The following GALNT13 variants were observed in gnomAD, a reference collection of about 807,000 sequenced individuals.
GALNT13 encodes UDP-GalNAc:polypeptide N-acetylgalactosaminyltransferase 13.
A neutral mutation model predicts 64.2 loss-of-function variants in GALNT13; 28 were observed. The observed-to-expected ratio is 0.44, with a 90% CI of 0.32 to 0.60. The LOEUF (loss-of-function observed/expected upper bound fraction) is 0.60, where lower values mean the gene tolerates loss of function less well. Among genes scored for constraint, GALNT13 ranks in the 20% least tolerant of loss-of-function variants. The probability of loss-of-function intolerance (pLI) is 0.05; values close to 1 mark genes in which losing one functional copy is unlikely to be tolerated. For missense variants in GALNT13, 577 were observed against 669.8 expected (o/e 0.86, Z 1.53); for synonymous variants, 214 against 224.6 (o/e 0.95, Z 0.42).
the GALNT13 span, among the ~76,000 whole-genome samples, chr2:153,320,891 T>C: frequency 6.6e-6 from 1 of 152,208 alleles, no homozygotes; most frequent in Non-Finnish European, 1.5e-5. Flanking sequence ...CACATTTATA[T>C]ATCTTTTAAC....
intron 2 of GALNT13, among the ~76,000 whole-genome samples, chr2:153,921,614 A>G (rs1013419222): frequency 3.3e-5 from 5 of 152,320 alleles, no homozygotes; most frequent in Admixed American, 3.3e-4. Flanking sequence ...TGAACCTAAC[A>G]CAGAAGTTAT....
At chr2:154,348,634 C>T (rs1696207380) in intron 9 of GALNT13, among the ~76,000 whole-genome samples, 1 of 151,954 alleles carries the variant, frequency 6.6e-6, no homozygotes, top group Non-Finnish European at 1.5e-5. Flanking sequence ...GCTGGCCCAT[C>T]TCTCATGTGC....
At chr2:154,164,534 T>C (rs1207421353) in intron 4 of GALNT13, among the ~76,000 whole-genome samples, 1 of 152,086 alleles carries the variant, frequency 6.6e-6, no homozygotes, top group Non-Finnish European at 1.5e-5. Flanking sequence ...AAATCTAAAC[T>C]TGGTATCCAG....
chr2:153,918,424 C>G (rs1294951629), intron 2 of GALNT13, among the ~76,000 whole-genome samples: 1 of 152,090 alleles, frequency 6.6e-6, no homozygotes, highest in Non-Finnish European at 1.5e-5. Context: ...CGGTATCTTC[C>G]ATTTCCCACA....
chr2:154,088,579 G>T (rs1234101840), intron 3 of GALNT13, among the ~76,000 whole-genome samples: 1 of 152,062 alleles, frequency 6.6e-6, no homozygotes, highest in Non-Finnish European at 1.5e-5. Flanking sequence ...AGCCTCCCAA[G>T]TAGTTGGGAT....
chr2:154,079,561 C>G (rs905813662), intron 3 of GALNT13, among the ~76,000 whole-genome samples: 3 of 151,486 alleles, frequency 2.0e-5, no homozygotes, highest in Non-Finnish European at 4.4e-5. Flanking sequence ...CCTGTTTAAC[C>G]TTGCACCTCA....
the GALNT13 span, among the ~76,000 whole-genome samples, chr2:153,744,575 T>C: frequency 6.6e-6 from 1 of 152,182 alleles, no homozygotes; most frequent in African/African-American, 2.4e-5. Flanking sequence ...TCCTCTCTCT[T>C]AGCTCCGTCT....
chr2:154,182,245 T>C (rs1251158038), intron 4 of GALNT13, among the ~76,000 whole-genome samples: 1 of 152,210 alleles, frequency 6.6e-6, no homozygotes, highest in Non-Finnish European at 1.5e-5. Flanking sequence ...GATATGTTAA[T>C]CATTTGACTA....
chr2:153,992,745 T>C (rs1033936059), intron 3 of GALNT13, among the ~76,000 whole-genome samples: 6 of 151,826 alleles, frequency 4.0e-5, no homozygotes, highest in Admixed American at 3.9e-4. Flanking sequence ...TGATACTTTT[T>C]AAAAAAAAAT....
chr2:154,069,918 A>G lies in GALNT13; in HGVS notation c.143-70419A>G, dbSNP rs773022832. ...TCAAGGCACATGATGGATATTGGATAAAGAGTTGATGAAACAGTGACAACA... is the reference window on the plus strand; with the variant it reads ...TCAAGGCACATGATGGATATTGGATGAAGAGTTGATGAAACAGTGACAACA... On this transcript the variant is annotated intron_variant, in intron 3 of 12. Coordinates refer to ENST00000392825, the MANE Select transcript of GALNT13 (RefSeq NM_052917.4). Among the ~76,000 whole-genome samples the G allele has an allele frequency of 6.6e-5, 10 of 152,158 alleles. 1 individual carries two copies. Among genetic ancestry groups the G allele is most frequent in the Admixed American group, 6.6e-4 (10 of 15,258 alleles).
In GALNT13 at chr2:154,086,769, C is replaced by T. The variant is rs552737823; in HGVS notation, c.143-53568C>T. On this transcript the variant is annotated intron_variant, in intron 3 of 12. Coordinates refer to ENST00000392825, the MANE Select transcript of GALNT13 (RefSeq NM_052917.4). The stretch of plus-strand genomic sequence containing the variant: ...TTTTTAAGTTATATGTTAGCATACG[C>T]GCACACACACACACACGCGCACGCG... Among the ~76,000 whole-genome samples the T allele has an allele frequency of 7.9e-3, 1,120 of 142,236 alleles. 11 individuals carry two copies. Among genetic ancestry groups the T allele is most frequent in the Non-Finnish European group, 0.013 (790 of 62,400 alleles). 93.3% of individuals were successfully genotyped at this position (142,236 alleles called of 152,430 possible).
At chr2:153,306,193 C>G in the GALNT13 span, among the ~76,000 whole-genome samples, 4 of 152,210 alleles carry the variant, frequency 2.6e-5, no homozygotes, top group African/African-American at 9.6e-5. Flanking sequence ...CCAGCAAACA[C>G]TGCTGGGTCG....
rs1366282454 is a variant in GALNT13, at chr2:154,022,433, G to A, written c.142+77794G>A. Among the ~76,000 whole-genome samples, 7 of 152,128 alleles carry A rather than the reference G, an allele frequency of 4.6e-5. No individual in the cohort carries two copies. The East Asian group carries it at 1.3e-3, about 29-fold the overall frequency. On this transcript the variant is annotated intron_variant, in intron 3 of 12. Transcript: ENST00000392825. ...ACTTCTTAGTCTTGGGAGGATGTATGTGTCGAGGAATTTATCCATTTCTTC... is the reference window on the plus strand; with the variant it reads ...ACTTCTTAGTCTTGGGAGGATGTATATGTCGAGGAATTTATCCATTTCTTC...
intron 4 of GALNT13, among the ~76,000 whole-genome samples, chr2:154,197,495 T>C (rs1686942582): frequency 6.6e-6 from 1 of 152,056 alleles, no homozygotes; most frequent in Admixed American, 6.6e-5. Context: ...AGAAAATAAA[T>C]GAGTACATCT....
intron 3 of GALNT13, among the ~76,000 whole-genome samples, chr2:154,009,169 C>CTTTTTTTTTTTTT (rs146389666): frequency 7.0e-6 from 1 of 143,698 alleles, no homozygotes; most frequent in South Asian, 2.3e-4. Flanking sequence ...TCCATTGCTT[C>CTTTTTTTTTTTTT]TTTTTTTTTC....
At chr2:153,442,559 G>C in the GALNT13 span, among the ~76,000 whole-genome samples, 2 of 152,296 alleles carry the variant, frequency 1.3e-5, no homozygotes, top group East Asian at 1.9e-4. Context: ...GAATTCGGCT[G>C]TGAATCTATC....
At chr2:153,277,996 G>C in the GALNT13 span, among the ~76,000 whole-genome samples, 8 of 133,060 alleles carry the variant, frequency 6.0e-5, no homozygotes, top group African/African-American at 2.3e-4. Flanking sequence ...TAGCGATCTC[G>C]GCTCACTGCA....
the GALNT13 span, among the ~76,000 whole-genome samples, chr2:153,400,555 T>C: frequency 6.6e-6 from 1 of 152,186 alleles, no homozygotes; most frequent in Non-Finnish European, 1.5e-5. Flanking sequence ...CATCTGGTCC[T>C]GGACTCTTTT....
the GALNT13 span, among the ~76,000 whole-genome samples, chr2:153,849,335 A>G: frequency 6.6e-6 from 1 of 152,214 alleles, no homozygotes. Flanking sequence ...TTTCCCTTAG[A>G]GAATAGAAAT....
Sources: allele counts gnomAD v4.1 joint callset (sites outside exome capture counted in the v4.1 genomes callset), GRCh38; gene constraint gnomAD v4.1.1; transcripts MANE v1.5; gene names NCBI Gene and HGNC (gene_info 2026-07-23, HGNC 2026-07-21).